The following BOC variants were observed in gnomAD, a reference collection of about 807,000 sequenced individuals.
BOC encodes the protein brother of CDO.
Under a neutral mutation model 112.0 loss-of-function variants are expected in BOC, and 76 were observed. The ratio of observed to expected loss-of-function variants is 0.68; its 90% confidence interval spans 0.56 to 0.82. BOC has a LOEUF of 0.82. Ranked by LOEUF, BOC falls within the 40% of genes least tolerant of loss-of-function variation. BOC has a pLI of 0.00. For synonymous variants in BOC, 580 were observed against 599.8 expected (o/e 0.97, Z 0.48); for missense variants, 1,309 against 1,511.7 (o/e 0.87, Z 2.22).
chr3:113,213,687 T>C (rs1384130935), intron 1 of BOC, among the ~76,000 whole-genome samples: 4 of 152,190 alleles, frequency 2.6e-5, no homozygotes, highest in Non-Finnish European at 5.9e-5. Flanking sequence ...TGGTACTTTT[T>C]AATGGTCTCA....
At chr3:113,232,897 G>A (rs766455221) in intron 2 of BOC, among the ~76,000 whole-genome samples, 7 of 152,116 alleles carry the variant, frequency 4.6e-5, no homozygotes, top group African/African-American at 9.7e-5. Context: ...ATCCCTATGC[G>A]AGTTGATTTT....
Position 113,286,895 on chromosome 3 carries a change from T to A in BOC, c.*33T>A. The stretch of plus-strand genomic sequence containing the variant: ...CTGATATCCCAGAAAGACTATATAT[T>A]GTTTTTTTTTTAAAAAAAAAAAGAA... On this transcript the variant is annotated 3_prime_UTR_variant, in exon 20 of 20. Coordinates refer to ENST00000682979, the MANE Select transcript of BOC (RefSeq NM_001378074.1). 6.7e-7 allele frequency: 1 copy of A among 1,484,458 alleles called. No homozygotes were observed. The highest frequency in any genetic ancestry group is 9.0e-7 in the Non-Finnish European group (1 of 1,117,142). 92.0% of individuals were successfully genotyped at this position (1,484,458 alleles called of 1,614,324 possible).
At chr3:113,277,297 A>G (rs1948758960) in intron 9 of BOC, among the ~76,000 whole-genome samples, 4 of 152,200 alleles carry the variant, frequency 2.6e-5, no homozygotes, top group Admixed American at 2.6e-4. Flanking sequence ...CTTCAGAATA[A>G]CCTGAGAGAG....
At position 113,284,417 on chromosome 3, in the gene BOC, A is replaced by G; in HGVS notation, c.2739A>G (p.Pro913=). 6.2e-7 allele frequency: 1 copy of G among 1,614,234 alleles called. No homozygotes were observed. The highest frequency in any genetic ancestry group is 1.1e-5 in the South Asian group (1 of 91,082). Residue 913 remains proline (P), a synonymous_variant, in exon 17 of 20, where the codon CCA becomes CCG. Coordinates refer to ENST00000682979, the MANE Select transcript of BOC (RefSeq NM_001378074.1). ...PYTMVPLGGL[P]GHQASGQPYL... ...CTATGGTGCCATTGGGAGGACTCCCAGGCCACCAGGCCAGTGGACAGCCCT... is the reference window on the plus strand; with the variant it reads ...CTATGGTGCCATTGGGAGGACTCCCGGGCCACCAGGCCAGTGGACAGCCCT...
At chr3:113,219,208 C>G (rs1940083941) in intron 2 of BOC, among the ~76,000 whole-genome samples, 1 of 152,208 alleles carries the variant, frequency 6.6e-6, no homozygotes, top group Admixed American at 6.5e-5. Flanking sequence ...ACGCAAACCT[C>G]CCGGTGCAGG....
chr3:113,282,226 T>C (rs712529), intron 15 of BOC, among the ~76,000 whole-genome samples: 89,476 of 151,920 alleles, frequency 0.59, 28,150 homozygotes, highest in African/African-American at 0.81. Flanking sequence ...GGAGGAGGGC[T>C]GTCAGTGGAT....
chr3:113,244,701 A>G (rs1339189399), intron 2 of BOC, among the ~76,000 whole-genome samples: 2 of 152,228 alleles, frequency 1.3e-5, no homozygotes, highest in African/African-American at 4.8e-5. Flanking sequence ...AGAAAATTCT[A>G]CGGAAGGGGC....
chr3:113,273,072 C>G lies in BOC; in HGVS notation c.965C>G (p.Pro322Arg). The G allele has an allele frequency of 6.3e-7, 1 of 1,598,452 alleles. No homozygotes were observed. Among genetic ancestry groups the G allele is most frequent in the Non-Finnish European group, 8.6e-7 (1 of 1,167,508 alleles). ...VILYNVQVFE[P>R]PEVTMELSQL... is the part of the protein sequence containing the mutation. ...CCCTGCTCTGGTTTCCTGGCAGAACCCCCTGAGGTCACCATGGAGCTATCC... is the reference window on the plus strand; with the variant it reads ...CCCTGCTCTGGTTTCCTGGCAGAACGCCCTGAGGTCACCATGGAGCTATCC... The change falls in exon 8 of 20, where the codon CCC (proline) becomes CGC (arginine). Residue 322 changes from proline (P) to arginine (R), a missense_variant. Pro to Arg is a moderately radical substitution (Grantham distance 103). Transcript: ENST00000682979.
intron 4 of BOC, chr3:113,251,284 A>AC: frequency 3.6e-6 from 1 of 274,200 alleles, no homozygotes; most frequent in South Asian, 7.1e-5. Context: ...GGGCAGGGCC[A>AC]CGTGTAGTCT....
chr3:113,284,996 T>G, intron 18 of BOC, 138 bp downstream of exon 18: 1 of 739,758 alleles, frequency 1.4e-6, no homozygotes, highest in South Asian at 1.7e-5. Context: ...ATCATGCTCC[T>G]CTGAACCATT....
At position 113,272,667 on chromosome 3, in the gene BOC, G is replaced by C. The variant is rs3814400; in HGVS notation, c.925G>C (p.Gly309Arg). 12 of 1,613,658 alleles carry C rather than the reference G, an allele frequency of 7.4e-6. No individual in the cohort carries two copies. Among genetic ancestry groups the C allele is most frequent in the Non-Finnish European group, 1.0e-5 (12 of 1,179,954 alleles). Reference protein sequence around the residue: ...CMADNGVGQPGAAVILYNVQV... With the variant: ...CMADNGVGQPRAAVILYNVQV... ...GGCCGACAATGGGGTTGGGCAGCCC[G>C]GGGCAGCGGTCATCCTCTACAATGT... is the stretch of plus-strand genomic sequence containing the variant. Residue 309 changes from glycine to arginine, a missense_variant, in exon 7 of 20, where the codon GGG (glycine) becomes CGG (arginine). By Grantham distance (125) the Gly-to-Arg change is moderately radical. Coordinates refer to ENST00000682979, the MANE Select transcript of BOC (RefSeq NM_001378074.1).
At chr3:113,270,990 A>G (rs1195862390) in intron 6 of BOC, 46 bp downstream of exon 6, 1 of 1,612,548 alleles carries the variant, frequency 6.2e-7, no homozygotes, top group Admixed American at 1.7e-5. Context: ...TCACTGATGG[A>G]AGGGCTCACA....
Position 113,285,566 on chromosome 3 carries a change from G to A in BOC, c.3160+1G>A, listed in dbSNP as rs1461328526. ...GTGTGGGACCCTCCATTTCACTCAG[G>A]TTGGTTCCAGGAGCAGGGCAGGGAA... On this transcript the variant is annotated splice_donor_variant, in intron 19 of 19. Coordinates refer to ENST00000682979, the MANE Select transcript of BOC (RefSeq NM_001378074.1). LOFTEE classifies it high-confidence loss of function. 3 of 1,570,618 alleles carry A rather than the reference G, an allele frequency of 1.9e-6. No individual in the cohort carries two copies. In the African/African-American group the frequency reaches 4.1e-5, roughly 21 times the overall value.
At chr3:113,229,873 A>G (rs1240695869) in intron 2 of BOC, among the ~76,000 whole-genome samples, 1 of 152,228 alleles carries the variant, frequency 6.6e-6, no homozygotes, top group African/African-American at 2.4e-5. Context: ...AATCCACGGC[A>G]GAGACACCTG....
At chr3:113,277,102 C>A (rs149724290) in intron 9 of BOC, among the ~76,000 whole-genome samples, 23 of 152,274 alleles carry the variant, frequency 1.5e-4, no homozygotes, top group African/African-American at 5.3e-4. Context: ...AGTCACAATT[C>A]ATCCACAGTT....
At chr3:113,284,975 C>G in intron 18 of BOC, 117 bp downstream of exon 18, 1 of 869,664 alleles carries the variant, frequency 1.1e-6, no homozygotes, top group Non-Finnish European at 1.8e-6. Flanking sequence ...CAGGGGTCCC[C>G]GTGACTGACA....
intron 13 of BOC, among the ~76,000 whole-genome samples, chr3:113,280,252 G>C (rs1949067685): frequency 6.6e-6 from 1 of 152,032 alleles, no homozygotes; most frequent in Non-Finnish European, 1.5e-5. Flanking sequence ...CAACTGTTCA[G>C]GGCCCCTTCT....
chr3:113,253,291 C>T (rs1945855478), intron 4 of BOC, among the ~76,000 whole-genome samples: 1 of 152,086 alleles, frequency 6.6e-6, no homozygotes, highest in Non-Finnish European at 1.5e-5. Flanking sequence ...AGGTCTGGCA[C>T]ATAGAGATCA....
intron 2 of BOC, among the ~76,000 whole-genome samples, chr3:113,227,249 A>G (rs2107668817): frequency 6.6e-6 from 1 of 152,340 alleles, no homozygotes; most frequent in South Asian, 2.1e-4. Flanking sequence ...AAGGAAAAGT[A>G]CTGTGTTCAT....
Sources: gnomAD v4.1 joint callset for allele counts (sites outside exome capture counted in the v4.1 genomes callset) on GRCh38, gnomAD v4.1.1 for gene constraint, MANE v1.5 for transcripts, NCBI Gene and HGNC (gene_info 2026-07-23, HGNC 2026-07-21) for gene names.